NAA11: variants seen among roughly 807,000 people sequenced by gnomAD.
NAA11 encodes N-alpha-acetyltransferase 11.
Under a neutral mutation model 16.1 loss-of-function variants are expected in NAA11, and 15 were observed. The ratio of observed to expected loss-of-function variants is 0.93; its 90% confidence interval spans 0.62 to 1.44. The LOEUF (loss-of-function observed/expected upper bound fraction) is 1.44. Ranked by LOEUF, NAA11 falls within the 40% of genes most tolerant of loss-of-function variation. The pLI, the probability that NAA11 is intolerant of heterozygous loss-of-function variation, is 0.00. For synonymous variants in NAA11, 122 were observed against 112.4 expected (o/e 1.09, Z -0.54); for missense variants, 298 against 291.3 (o/e 1.02, Z -0.17).
At chr4:79,315,245 G>C (rs974965726), downstream of NAA11, among the ~76,000 whole-genome samples, 6 of 151,916 alleles carry the variant, frequency 3.9e-5, no homozygotes, top group African/African-American at 1.5e-4. Context: ...TGACTTAGCT[G>C]CACATAAAAA....
At chr4:79,285,911 C>G (rs966427137) in intron 2 of NAA11, among the ~76,000 whole-genome samples, 1 of 151,952 alleles carries the variant, frequency 6.6e-6, no homozygotes, top group African/African-American at 2.4e-5. Flanking sequence ...CCATTTTTTT[C>G]TCCCAACAGT....
the NAA11 span, among the ~76,000 whole-genome samples, chr4:79,189,145 C>CAAAAAAAA: frequency 1.7e-4 from 7 of 42,292 alleles, 2 homozygotes; most frequent in East Asian, 2.3e-3. Flanking sequence ...GACTCCATCT[C>CAAAAAAAA]AAAAAAAAAA....
At chr4:79,324,314 TA>T (rs1285347280) in intron 1 of NAA11, among the ~76,000 whole-genome samples, 1 of 152,226 alleles carries the variant, frequency 6.6e-6, no homozygotes, top group East Asian at 1.9e-4. Context: ...AAATTATTAG[TA>T]ATTCCTTAAT....
intron 1 of NAA11, among the ~76,000 whole-genome samples, chr4:79,319,850 T>C (rs1724039794): frequency 1.3e-5 from 2 of 152,206 alleles, no homozygotes; most frequent in South Asian, 4.1e-4. Flanking sequence ...CCATATTTCA[T>C]TATATCATTC....
At chr4:79,193,544 A>T in the NAA11 span, among the ~76,000 whole-genome samples, 1 of 152,006 alleles carries the variant, frequency 6.6e-6, no homozygotes, top group Non-Finnish European at 1.5e-5. Flanking sequence ...GTAGATATGC[A>T]GCATTATTTC....
the NAA11 span, among the ~76,000 whole-genome samples, chr4:79,204,824 A>T: frequency 6.6e-6 from 1 of 151,604 alleles, no homozygotes; most frequent in Non-Finnish European, 1.5e-5. Context: ...TTGATTTTTC[A>T]TTCCTGATTT....
chr4:79,269,451 A>G (rs1311686006), intron 2 of NAA11, among the ~76,000 whole-genome samples: 1 of 144,476 alleles, frequency 6.9e-6, no homozygotes, highest in Admixed American at 6.9e-5. Flanking sequence ...TCTGATGGCC[A>G]GTGATGATGA....
chr4:79,295,422 A>G (rs1228856077), intron 1 of NAA11, among the ~76,000 whole-genome samples: 1 of 152,232 alleles, frequency 6.6e-6, no homozygotes, highest in Admixed American at 6.5e-5. Flanking sequence ...ATTTAGGTTG[A>G]TAAATAGAAA....
At chr4:79,296,525 C>G (rs982474536) in intron 1 of NAA11, among the ~76,000 whole-genome samples, 1 of 152,198 alleles carries the variant, frequency 6.6e-6, no homozygotes, top group African/African-American at 2.4e-5. Context: ...CAGCCAGATT[C>G]ACACCTTGGC....
chr4:79,228,671 A>T (rs1329305005), intron 2 of NAA11, among the ~76,000 whole-genome samples: 1 of 151,942 alleles, frequency 6.6e-6, no homozygotes, highest in Non-Finnish European at 1.5e-5. Context: ...GCTGAGGAGT[A>T]CCCATTGTAT....
intron 1 of NAA11, among the ~76,000 whole-genome samples, chr4:79,324,571 C>G (rs1724200660): frequency 6.6e-6 from 1 of 152,182 alleles, no homozygotes; most frequent in South Asian, 2.1e-4. Flanking sequence ...ACAAGTCCCT[C>G]TATTTTCTGT....
At chr4:79,173,365 A>G in the NAA11 span, among the ~76,000 whole-genome samples, 3 of 152,116 alleles carry the variant, frequency 2.0e-5, no homozygotes, top group Admixed American at 6.6e-5. Flanking sequence ...ACCACATTTT[A>G]TACTCACTGG....
the NAA11 span, among the ~76,000 whole-genome samples, chr4:79,173,979 G>A: frequency 6.6e-5 from 10 of 152,032 alleles, no homozygotes; most frequent in Non-Finnish European, 1.5e-4. Context: ...AATTAGAGGA[G>A]GAAGGAAGGT....
chr4:79,240,179 A>C (rs1207496260), intron 2 of NAA11, among the ~76,000 whole-genome samples: 1 of 152,172 alleles, frequency 6.6e-6, no homozygotes, highest in Non-Finnish European at 1.5e-5. Flanking sequence ...ATGGCATTCC[A>C]TGTATAATTG....
intron 2 of NAA11, among the ~76,000 whole-genome samples, chr4:79,255,347 TAATATC>T (rs1450629165): frequency 9.9e-5 from 15 of 152,218 alleles, no homozygotes; most frequent in Non-Finnish European, 2.2e-4. Flanking sequence ...TTACTGATAT[TAATATC>T]AATATTCTGT....
At chr4:79,307,055 TC>T (rs1231364419) in intron 1 of NAA11, 1 of 152,246 alleles carries the variant, frequency 6.6e-6, no homozygotes, top group African/African-American at 2.4e-5. Flanking sequence ...TCATATGCCT[TC>T]CATGCAGATA....
downstream of NAA11, among the ~76,000 whole-genome samples, chr4:79,312,236 G>A (rs1338198442): frequency 6.6e-6 from 1 of 152,214 alleles, no homozygotes; most frequent in Admixed American, 6.5e-5. Context: ...TTGTGTACCA[G>A]CTTTCAGGAA....
chr4:79,245,795 G>C (rs1043188286), intron 2 of NAA11, among the ~76,000 whole-genome samples: 20 of 151,768 alleles, frequency 1.3e-4, no homozygotes, highest in African/African-American at 4.8e-4. Context: ...CCGCCCGTCT[G>C]GGGGGTGAGG....
chr4:79,283,272 G>GT lies in NAA11; in HGVS notation c.*122+10732dup, dbSNP rs997173114. ...ATAGTAGTGAATAAAATGTCAAGAA[G>GT]TTTTTTTTTAATGAACAAACCTAAA... On this transcript the variant is annotated intron_variant and NMD_transcript_variant, in intron 2 of 2. Transcript: ENST00000511542. Among the ~76,000 whole-genome samples the GT allele has an allele frequency of 2.6e-4, 39 of 151,326 alleles. No homozygotes were observed. The South Asian group carries it at 5.2e-3, about 20-fold the overall frequency.
Sources: allele counts gnomAD v4.1 joint callset (sites outside exome capture counted in the v4.1 genomes callset), GRCh38; gene constraint gnomAD v4.1.1; transcripts MANE v1.5; gene names NCBI Gene and HGNC (gene_info 2026-07-23, HGNC 2026-07-21).